The following CHD9 variants were observed in gnomAD, a reference collection of about 807,000 sequenced individuals.
CHD9 encodes the protein chromodomain helicase DNA binding protein 9.
Under a neutral mutation model 316.1 loss-of-function variants are expected in CHD9, and 77 were observed. The ratio of observed to expected loss-of-function variants is 0.24; its 90% CI spans 0.20 to 0.29. CHD9 has a LOEUF of 0.29. Ranked by LOEUF, CHD9 falls within the 10% of genes least tolerant of loss-of-function variation. CHD9 has a pLI of 1.00. For missense variants in CHD9, 2,763 were observed against 3,438.1 expected (o/e 0.80, Z 4.91); for synonymous variants, 1,129 against 1,158.3 (o/e 0.97, Z 0.51).
chr16:53,183,441 A>G (rs2043702205), intron 2 of CHD9, among the ~76,000 whole-genome samples: 1 of 152,198 alleles, frequency 6.6e-6, no homozygotes, highest in Admixed American at 6.5e-5. Context: ...GGATGGTTAT[A>G]TCTGTAACAG....
At chr16:53,141,492 ACAGTT>A (rs1341524281) in intron 1 of CHD9, among the ~76,000 whole-genome samples, 2 of 152,230 alleles carry the variant, frequency 1.3e-5, no homozygotes, top group Non-Finnish European at 1.5e-5. Flanking sequence ...TTTTAAGTGT[ACAGTT>A]CAGTGGGGGC....
intron 2 of CHD9, among the ~76,000 whole-genome samples, chr16:53,179,100 C>T (rs1487081797): frequency 6.6e-6 from 1 of 152,036 alleles, no homozygotes; most frequent in Non-Finnish European, 1.5e-5. Context: ...TAAGATTTTG[C>T]CGTATTTGCT....
chr16:53,304,662 ACTTTTCTTTTCTTTTCTTTT>A (rs201143410), intron 31 of CHD9, 37 bp downstream of exon 31: 4 of 1,265,920 alleles, frequency 3.2e-6, no homozygotes, highest in East Asian at 2.9e-5. Flanking sequence ...TTTTAACATA[ACTTTTCTTTTCTTTTCTTTT>A]CTTTTCTTTT....
chr16:53,279,899 G>A (rs901817532), intron 24 of CHD9, among the ~76,000 whole-genome samples: 2 of 152,144 alleles, frequency 1.3e-5, no homozygotes, highest in Admixed American at 1.3e-4. Flanking sequence ...ACATGTACAA[G>A]TGGTCAACAA....
chr16:53,265,230 G>A (rs972063616), intron 20 of CHD9, among the ~76,000 whole-genome samples: 4 of 151,862 alleles, frequency 2.6e-5, no homozygotes, highest in African/African-American at 4.8e-5. Flanking sequence ...GCAAGACCCT[G>A]TTCTCTACAA....
chr16:53,162,894 C>T (rs1488138893), intron 2 of CHD9, among the ~76,000 whole-genome samples: 1 of 151,070 alleles, frequency 6.6e-6, no homozygotes, highest in Non-Finnish European at 1.5e-5. Flanking sequence ...AAGCAGTTCT[C>T]CTGCCTGAGC....
chr16:53,315,091 G>T, intron 36 of CHD9, 47 bp downstream of exon 36: 1 of 1,321,458 alleles, frequency 7.6e-7, no homozygotes, highest in Non-Finnish European at 1.1e-6. Context: ...TTTATGAGTT[G>T]TCAGATCTAT....
chr16:53,287,231 A>G lies in CHD9; in HGVS notation c.5190-726A>G, dbSNP rs2053954607. 3.9e-5 allele frequency among the ~76,000 whole-genome samples: 6 copies of G among 152,268 alleles called. No individual in the cohort carries two copies. In the South Asian group the frequency reaches 1.0e-3, roughly 26 times the overall value. ...TCTTCCACCTTAGCCTTGGCTTCCC[A>G]AAGTGCGGAGATTATAGGTGTGAGC... On this transcript the variant is annotated intron_variant, in intron 26 of 38. Coordinates refer to ENST00000447540, the MANE Select transcript of CHD9 (RefSeq NM_001308319.2).
chr16:53,323,204 T>C (rs1193226664), intron 38 of CHD9, among the ~76,000 whole-genome samples: 1 of 152,224 alleles, frequency 6.6e-6, no homozygotes, highest in Non-Finnish European at 1.5e-5. Flanking sequence ...TCAATTTTTA[T>C]AGATTACATA....
chr16:53,087,298 C>T lies in CHD9; in HGVS notation c.-165+32221C>T, dbSNP rs541153932. Among the ~76,000 whole-genome samples, 10 of 152,230 alleles carry T rather than the reference C, an allele frequency of 6.6e-5. No individual in the cohort carries two copies. The South Asian group carries it at 8.3e-4, about 13-fold the overall frequency. On this transcript the variant is annotated intron_variant, in intron 1 of 38. Coordinates refer to ENST00000447540, the MANE Select transcript of CHD9 (RefSeq NM_001308319.2). ...GCTTTTCTTCCAGGGAGAGGGCACA[C>T]GGAGCAGAGAACACCGGTGAATTAT...
chr16:53,227,096 A>G (rs2047724387), intron 5 of CHD9: 1 of 236,090 alleles, frequency 4.2e-6, no homozygotes, highest in South Asian at 5.3e-5. Context: ...CCTAATCTGT[A>G]AAATGGAAAT....
chr16:53,231,065 A>G (rs1022663792), intron 8 of CHD9, among the ~76,000 whole-genome samples: 1 of 152,172 alleles, frequency 6.6e-6, no homozygotes, highest in Non-Finnish European at 1.5e-5. Context: ...AGGTAAAGAT[A>G]AAGGGTGTGT....
At chr16:53,146,327 AG>A (rs2040577233) in intron 1 of CHD9, among the ~76,000 whole-genome samples, 1 of 144,696 alleles carries the variant, frequency 6.9e-6, no homozygotes, top group African/African-American at 2.6e-5. Flanking sequence ...CGGGAGGCAG[AG>A]GTTGCAGTGA....
chr16:53,107,464 TA>T (rs2037449690), intron 1 of CHD9, among the ~76,000 whole-genome samples: 1 of 135,956 alleles, frequency 7.4e-6, no homozygotes, highest in African/African-American at 2.7e-5. Context: ...CATCTCAAAA[TA>T]AAATAAAATA....
chr16:53,318,307 T>C lies in CHD9; in HGVS notation c.7680T>C (p.Arg2560=). Reference sequence around the variant, plus strand: ...TGAATAGTCTCACTGGAGAAGAACGTGTTCAACTGATTAACAGAAGAAATG... The same window carrying C: ...TGAATAGTCTCACTGGAGAAGAACGCGTTCAACTGATTAACAGAAGAAATG... ...LDVNSLTGEE[R]VQLINRRNAR... is the part of the protein sequence containing the mutation. The change falls in exon 37 of 39, where the codon CGT becomes CGC. Residue 2560 remains arginine (R), a synonymous_variant. Transcript: ENST00000447540. The C allele has an allele frequency of 6.2e-7, 1 of 1,608,050 alleles. No individual in the cohort carries two copies. The highest frequency in any genetic ancestry group is 8.5e-7 in the Non-Finnish European group (1 of 1,178,070).
chr16:53,115,637 T>C (rs1276324924), intron 1 of CHD9, among the ~76,000 whole-genome samples: 1 of 152,184 alleles, frequency 6.6e-6, no homozygotes, highest in Admixed American at 6.5e-5. Flanking sequence ...CAGAACAATA[T>C]GGGTATGTTG....
intron 1 of CHD9, among the ~76,000 whole-genome samples, chr16:53,114,609 A>T (rs2038135923): frequency 6.7e-6 from 1 of 149,976 alleles, no homozygotes; most frequent in Admixed American, 6.7e-5. Context: ...ATTTTTTGAG[A>T]CGGAGTCTCG....
intron 19 of CHD9, among the ~76,000 whole-genome samples, chr16:53,261,906 G>T (rs182062580): frequency 1.3e-5 from 2 of 151,866 alleles, no homozygotes. Flanking sequence ...ACAATTCCTT[G>T]GTATTAATTA....
chr16:53,224,566 T>C (rs2047493799), intron 4 of CHD9, among the ~76,000 whole-genome samples: 1 of 152,196 alleles, frequency 6.6e-6, no homozygotes, highest in South Asian at 2.1e-4. Flanking sequence ...GTCACTCATT[T>C]ACTATTTACT....
Sources: gnomAD v4.1 joint callset for allele counts (sites outside exome capture counted in the v4.1 genomes callset) on GRCh38, gnomAD v4.1.1 for gene constraint, MANE v1.5 for transcripts, NCBI Gene and HGNC (gene_info 2026-07-23, HGNC 2026-07-21) for gene names.